The following RTN4RL1 variants were observed in gnomAD, a reference collection of about 807,000 sequenced individuals.
The protein encoded by RTN4RL1 is reticulon 4 receptor like 1.
RTN4RL1 carries 7 observed loss-of-function variants against 25.6 expected under a neutral mutation model. The ratio of observed to expected loss-of-function variants is 0.27; its 90% confidence interval spans 0.16 to 0.51. RTN4RL1 has a LOEUF of 0.51. RTN4RL1 is among the 20% of genes least tolerant of loss of function. The pLI, the probability that RTN4RL1 is intolerant of heterozygous loss-of-function variation, is 0.97. For missense variants in RTN4RL1, 500 were observed against 615.6 expected, an observed-to-expected ratio of 0.81 and a Z score of 1.99; for synonymous variants, 297 against 288.2, an observed-to-expected ratio of 1.03 and a Z score of -0.31.
intron 1 of RTN4RL1, among the ~76,000 whole-genome samples, chr17:1,948,599 AGACACAGGTGGACGGGCG>A (rs1475018273): frequency 2.0e-5 from 3 of 152,076 alleles, no homozygotes; most frequent in Non-Finnish European, 4.4e-5. Context: ...GCGGACGGGC[AGACACAGGTGGACGGGCG>A]GACGGGCGGA....
Position 1,936,960 on chromosome 17 carries a change from G to T in RTN4RL1, c.862C>A (p.Arg288=). ...SAVPCVSPGL[R]HGQDLKLLRA... Reference sequence around the variant, plus strand: ...AGCAGCTTCAGGTCCTGGCCGTGCCGCAGCCCAGGGGACACACAGGGGACA... The same window carrying T: ...AGCAGCTTCAGGTCCTGGCCGTGCCTCAGCCCAGGGGACACACAGGGGACA... Residue 288 remains arginine, a synonymous_variant, in exon 2 of 2, where the codon CGG becomes AGG. Transcript: ENST00000331238. 1 of 1,607,556 alleles carries T rather than the reference G, an allele frequency of 6.2e-7. No individual in the cohort carries two copies.
chr17:1,967,726 T>C (rs35577661), intron 1 of RTN4RL1, among the ~76,000 whole-genome samples: 1 of 151,646 alleles, frequency 6.6e-6, no homozygotes, highest in East Asian at 1.9e-4. Flanking sequence ...TGCAACCTCC[T>C]CCTCCCAGGT....
chr17:1,995,255 G>A (rs778075719), intron 1 of RTN4RL1, among the ~76,000 whole-genome samples: 10 of 152,176 alleles, frequency 6.6e-5, no homozygotes, highest in South Asian at 2.1e-4. Context: ...GTGAAACACC[G>A]TCTCTACTAA....
intron 1 of RTN4RL1, among the ~76,000 whole-genome samples, chr17:2,007,129 G>A (rs1463534375): frequency 1.3e-5 from 2 of 151,996 alleles, no homozygotes; most frequent in Non-Finnish European, 2.9e-5. Context: ...TGGTGCCGCA[G>A]TTGAAAGTCT....
At chr17:1,981,369 G>T (rs942888161) in intron 1 of RTN4RL1, among the ~76,000 whole-genome samples, 2 of 152,174 alleles carry the variant, frequency 1.3e-5, no homozygotes, top group African/African-American at 4.8e-5. Flanking sequence ...GTGACAGAGT[G>T]ATACCTTGTC....
intron 1 of RTN4RL1, among the ~76,000 whole-genome samples, chr17:1,972,711 C>T: frequency 6.6e-6 from 1 of 152,198 alleles, no homozygotes; most frequent in East Asian, 1.9e-4. Context: ...GCAAGTGCCT[C>T]GAGAGCAGAG....
rs1380351858 is a variant in RTN4RL1 at position 2,025,051 on chromosome 17, G to A, written c.-186C>T. 4.2e-6 allele frequency: 2 copies of A among 478,922 alleles called. No individual in the cohort carries two copies. The highest frequency in any genetic ancestry group is 2.0e-5 in the African/African-American group (1 of 48,794). 29.7% of individuals were successfully genotyped at this position (478,922 alleles called of 1,614,324 possible). A position where few individuals can be genotyped will look rare whatever the true frequency, so the allele number is the denominator to read the frequency against. On this transcript the variant is annotated 5_prime_UTR_variant, in exon 1 of 2. Transcript: ENST00000331238. The surrounding 1 kb of genome is among the most constrained non-coding windows in gnomAD (Gnocchi z 4.8). ...GGTGAGCTCCAGCCCCGCGCCGAGG[G>A]CACCGGCGCCCGCAAGCAACCGTGG...
At chr17:1,999,094 T>A (rs1040417776) in intron 1 of RTN4RL1, among the ~76,000 whole-genome samples, 4 of 147,276 alleles carry the variant, frequency 2.7e-5, no homozygotes, top group Non-Finnish European at 6.0e-5. Context: ...ACATGCGCGA[T>A]CACACACACA....
At chr17:2,006,605 A>G (rs1438704813) in intron 1 of RTN4RL1, among the ~76,000 whole-genome samples, 2 of 149,956 alleles carry the variant, frequency 1.3e-5, no homozygotes, top group African/African-American at 4.9e-5. Flanking sequence ...GGCATGAGCC[A>G]CCACGCCTGG....
chr17:1,950,047 C>G (rs1036823587), intron 1 of RTN4RL1, among the ~76,000 whole-genome samples: 2 of 152,172 alleles, frequency 1.3e-5, no homozygotes, highest in Admixed American at 6.5e-5. Flanking sequence ...TGAAACACCA[C>G]CAGAAAGGGT....
chr17:1,947,532 A>G lies in RTN4RL1; in HGVS notation c.14-9724T>C, dbSNP rs552787891. ...ACACGCTGAATTATGTACCCACTCC[A>G]GGTCCCTCCAGCACGCCAGGATCGC... On this transcript the variant is annotated intron_variant, in intron 1 of 1. Coordinates refer to ENST00000331238, the MANE Select transcript of RTN4RL1 (RefSeq NM_178568.4). 8.8e-4 allele frequency among the ~76,000 whole-genome samples: 134 copies of G among 152,298 alleles called. 2 individuals are homozygous for G. Among genetic ancestry groups the G allele is most frequent in the Non-Finnish European group, 1.6e-3 (112 of 68,022 alleles).
chr17:1,977,851 G>C (rs1042242970), intron 1 of RTN4RL1, among the ~76,000 whole-genome samples: 2 of 152,032 alleles, frequency 1.3e-5, no homozygotes, highest in Non-Finnish European at 2.9e-5. Context: ...CGGGCCGCCC[G>C]GGTGGGAGCC....
chr17:1,961,798 A>AAAAAAAC (rs2066763310), intron 1 of RTN4RL1, among the ~76,000 whole-genome samples: 1 of 133,816 alleles, frequency 7.5e-6, no homozygotes, highest in Admixed American at 7.5e-5. Flanking sequence ...AAAAAAAAAA[A>AAAAAAAC]TTAGCAGGGC....
At chr17:1,993,075 T>C (rs1412110055) in intron 1 of RTN4RL1, among the ~76,000 whole-genome samples, 1 of 151,960 alleles carries the variant, frequency 6.6e-6, no homozygotes, top group Non-Finnish European at 1.5e-5. Flanking sequence ...AAACCCCATC[T>C]CTACTAAAAA....
intron 1 of RTN4RL1, among the ~76,000 whole-genome samples, chr17:1,944,821 C>T (rs1419842888): frequency 6.6e-6 from 1 of 152,188 alleles, no homozygotes; most frequent in Non-Finnish European, 1.5e-5. Context: ...GGGCAACCAT[C>T]ACCTCTCACC....
chr17:1,963,660 G>A (rs1189832815), intron 1 of RTN4RL1, among the ~76,000 whole-genome samples: 3 of 152,362 alleles, frequency 2.0e-5, no homozygotes, highest in African/African-American at 7.2e-5. Flanking sequence ...CTTCACCATG[G>A]AGGCAAACCA....
Position 1,983,914 on chromosome 17 carries a change from G to A in RTN4RL1, c.13+40939C>T, listed in dbSNP as rs953662435. ...AAAACCTTTAGGCTCCACCCAATCC[G>A]GATCGGAACCCTGCTCCCTCCCGGC... is the stretch of plus-strand genomic sequence containing the variant. On this transcript the variant is annotated intron_variant, in intron 1 of 1. Transcript: ENST00000331238. 5.3e-5 allele frequency among the ~76,000 whole-genome samples: 8 copies of A among 152,226 alleles called. No individual in the cohort carries two copies. In the East Asian group the frequency reaches 9.7e-4, roughly 18 times the overall value.
In RTN4RL1 at chr17:1,950,828, AGAGT is replaced by A. The variant is rs529090006; in HGVS notation, c.14-13024_14-13021del. Among the ~76,000 whole-genome samples the A allele has an allele frequency of 1.6e-4, 21 of 133,086 alleles. No homozygotes were observed. The South Asian group carries it at 5.5e-3, about 35-fold the overall frequency. The allele number at this position is 133,086 out of a possible 152,430, so 87.3% of individuals were successfully genotyped here. On this transcript the variant is annotated intron_variant, in intron 1 of 1. Transcript: ENST00000331238. ...ACCCCCGCACTCCAACCTGGGCGAC[AGAGT>A]GAGACACAGTCTCCAAAAAAAAAAA...
At chr17:2,015,779 G>T (rs9907922) in intron 1 of RTN4RL1, among the ~76,000 whole-genome samples, 1 of 76,062 alleles carries the variant, frequency 1.3e-5, no homozygotes, top group East Asian at 9.2e-4. Context: ...AGAGCCGAGC[G>T]GCCGCAAGGG....
Sources: gnomAD v4.1 joint callset for allele counts (sites outside exome capture counted in the v4.1 genomes callset) on GRCh38, gnomAD v4.1.1 for gene constraint, Gnocchi (gnomAD v3.1) non-coding constraint, MANE v1.5 for transcripts, NCBI Gene and HGNC (gene_info 2026-07-23, HGNC 2026-07-21) for gene names.